CSMD3: variants seen among roughly 807,000 people sequenced by gnomAD.
CSMD3 encodes the protein CUB and sushi domain-containing protein 3.
In CSMD3, 177 loss-of-function variants were observed where a neutral mutation model predicts 435.2. The ratio of observed to expected loss-of-function variants is 0.41; its 90% CI spans 0.36 to 0.46. The LOEUF (loss-of-function observed/expected upper bound fraction) is 0.46, where lower values mean the gene tolerates loss of function less well. CSMD3 is among the 20% of genes least tolerant of loss of function. The probability of loss-of-function intolerance (pLI) is 0.34; values close to 1 mark genes in which losing one functional copy is unlikely to be tolerated. For synonymous variants in CSMD3, 1,656 were observed against 1,520.5 expected (o/e 1.09, Z -2.07); for missense variants, 4,265 against 4,504.6 (o/e 0.95, Z 1.52).
intron 1 of CSMD3, among the ~76,000 whole-genome samples, chr8:113,357,553 G>C (rs1194959840): frequency 1.3e-5 from 2 of 152,178 alleles, no homozygotes; most frequent in South Asian, 2.1e-4. Flanking sequence ...ACACAACGTT[G>C]TTGTATTGGT....
intron 13 of CSMD3, among the ~76,000 whole-genome samples, chr8:112,797,688 G>T (rs1420479145): frequency 6.6e-6 from 1 of 151,726 alleles, no homozygotes; most frequent in African/African-American, 2.4e-5. Flanking sequence ...TCAACAAAGA[G>T]CATGGTAATT....
At chr8:112,321,579 G>C (rs1488597557) in intron 45 of CSMD3, among the ~76,000 whole-genome samples, 1 of 152,088 alleles carries the variant, frequency 6.6e-6, no homozygotes, top group Admixed American at 6.6e-5. Context: ...CTATTTATAA[G>C]AGATTAATTG....
chr8:112,234,231 A>T (rs1813360444), intron 68 of CSMD3, 134 bp downstream of exon 68: 1 of 570,256 alleles, frequency 1.8e-6, no homozygotes. Context: ...TAGAATACTA[A>T]ATATTTATAT....
chr8:112,662,043 C>G (rs996160407), intron 17 of CSMD3, among the ~76,000 whole-genome samples: 1 of 152,050 alleles, frequency 6.6e-6, no homozygotes, highest in African/African-American at 2.4e-5. Context: ...AATGGAAGAA[C>G]ATTCCATGCT....
intron 13 of CSMD3, among the ~76,000 whole-genome samples, chr8:112,771,104 G>A (rs2078102102): frequency 6.6e-6 from 1 of 151,994 alleles, no homozygotes; most frequent in Admixed American, 6.6e-5. Flanking sequence ...TGGAAAAAGA[G>A]AATGCTATAC....
intron 2 of CSMD3, among the ~76,000 whole-genome samples, chr8:113,304,218 C>T (rs2093799177): frequency 1.1e-5 from 1 of 87,086 alleles, no homozygotes; most frequent in African/African-American, 4.7e-5. Flanking sequence ...TATGAGATAT[C>T]ATCTCACACC....
chr8:113,130,991 T>C (rs942202157), intron 4 of CSMD3, among the ~76,000 whole-genome samples: 2 of 152,160 alleles, frequency 1.3e-5, no homozygotes, highest in Non-Finnish European at 2.9e-5. Context: ...TTAGGGTATC[T>C]GGAAGAAGAA....
intron 4 of CSMD3, among the ~76,000 whole-genome samples, chr8:113,132,936 A>C (rs931823390): frequency 1.3e-5 from 2 of 152,198 alleles, no homozygotes; most frequent in Non-Finnish European, 2.9e-5. Flanking sequence ...ATTTCTTACA[A>C]AGAAAACATG....
rs149723650 is a variant in CSMD3 at position 113,395,050 on chromosome 8, T to C, written c.178+41627A>G. Among the ~76,000 whole-genome samples, 857 of 152,158 alleles carry C rather than the reference T, an allele frequency of 5.6e-3. 3 individuals are homozygous for C. The highest frequency in any genetic ancestry group is 9.7e-3 in the Non-Finnish European group (663 of 68,014). On this transcript the variant is annotated intron_variant, in intron 1 of 70. Coordinates refer to ENST00000297405, the MANE Select transcript of CSMD3 (RefSeq NM_198123.2). ...ACAAGGTAGTCATATACATTTCCTT[T>C]GAATATATCCAACGTGATACTGTTT... is the stretch of plus-strand genomic sequence containing the variant.
chr8:112,996,075 T>C (rs970984594), intron 6 of CSMD3, among the ~76,000 whole-genome samples: 2 of 151,544 alleles, frequency 1.3e-5, no homozygotes, highest in African/African-American at 4.8e-5. Flanking sequence ...CTAATTAATA[T>C]ATGAATTATG....
At chr8:113,277,424 C>T (rs1040528607) in intron 3 of CSMD3, among the ~76,000 whole-genome samples, 21 of 151,972 alleles carry the variant, frequency 1.4e-4, no homozygotes, top group African/African-American at 5.1e-4. Context: ...GGATATAAAA[C>T]AGAGAAAGCA....
At chr8:112,538,891 G>A (rs1458792236) in intron 27 of CSMD3, 1 of 152,096 alleles carries the variant, frequency 6.6e-6, no homozygotes, top group East Asian at 1.9e-4. Flanking sequence ...GCAGGAAGAT[G>A]GGGGCCACAA....
intron 11 of CSMD3, among the ~76,000 whole-genome samples, chr8:112,831,712 G>T (rs2079881139): frequency 6.6e-6 from 1 of 151,924 alleles, no homozygotes; most frequent in Non-Finnish European, 1.5e-5. Context: ...TCATTTGCAA[G>T]AATTCTTTAT....
chr8:113,030,422 A>AG, intron 5 of CSMD3, among the ~76,000 whole-genome samples: 2 of 127,652 alleles, frequency 1.6e-5, no homozygotes, highest in South Asian at 5.7e-4. Context: ...ACTGGTAAAA[A>AG]AAAAAAAAAA....
In CSMD3 at chr8:112,228,813, A is replaced by G; in HGVS notation, c.10907T>C (p.Leu3636Pro). ...AAATATAAGTGCAAAAAAAGGCACA[A>G]GAATAGCAATGGCTACAGAACTACT... is the stretch of plus-strand genomic sequence containing the variant. Reference protein sequence around the residue: ...TNSSSVAIAILVPFFALIFAG... With the variant: ...TNSSSVAIAIPVPFFALIFAG... The change falls in exon 70 of 71, where the codon CTT becomes CCT. Residue 3636 changes from leucine (L) to proline (P), a missense_variant. Physicochemically the swap from Leu to Pro is moderately conservative, Grantham distance 98 (BLOSUM62 -3). Coordinates refer to ENST00000297405, the MANE Select transcript of CSMD3 (RefSeq NM_198123.2). 2 of 1,592,030 alleles carry G rather than the reference A, an allele frequency of 1.3e-6. No homozygotes were observed. Among genetic ancestry groups the G allele is most frequent in the Non-Finnish European group, 1.7e-6 (2 of 1,160,426 alleles).
At chr8:113,419,420 C>T (rs1376381746) in intron 1 of CSMD3, among the ~76,000 whole-genome samples, 3 of 151,902 alleles carry the variant, frequency 2.0e-5, no homozygotes, top group African/African-American at 7.2e-5. Context: ...GCCCGGCCTA[C>T]ACTTGTCTTT....
chr8:112,905,229 G>A (rs2082224120), intron 10 of CSMD3, among the ~76,000 whole-genome samples: 1 of 150,722 alleles, frequency 6.6e-6, no homozygotes, highest in Non-Finnish European at 1.5e-5. Context: ...AACATAGTCG[G>A]CCTTATGTTC....
intron 22 of CSMD3, among the ~76,000 whole-genome samples, chr8:112,613,778 A>G (rs1833451508): frequency 6.6e-6 from 1 of 152,260 alleles, no homozygotes; most frequent in East Asian, 1.9e-4. Context: ...TGCCTTTTTC[A>G]TGATGTATCT....
At chr8:112,473,853 T>C (rs1818775080) in intron 31 of CSMD3, among the ~76,000 whole-genome samples, 1 of 151,820 alleles carries the variant, frequency 6.6e-6, no homozygotes, top group Admixed American at 6.6e-5. Flanking sequence ...GAGCCATCCT[T>C]CTTGCAGAGC....
Sources: allele counts gnomAD v4.1 joint callset (sites outside exome capture counted in the v4.1 genomes callset), GRCh38; gene constraint gnomAD v4.1.1; transcripts MANE v1.5; gene names NCBI Gene and HGNC (gene_info 2026-07-23, HGNC 2026-07-21).